CDC14B: variants seen among roughly 807,000 people sequenced by gnomAD.
The protein encoded by CDC14B is dual specificity protein phosphatase CDC14B.
CDC14B carries 22 observed loss-of-function variants against 64.2 expected under a neutral mutation model. That is an observed-to-expected ratio of 0.34 (90% confidence interval 0.24 to 0.49). The LOEUF is 0.49. Among genes scored for constraint, CDC14B ranks in the 20% least tolerant of loss-of-function variants. CDC14B has a pLI of 0.99. For missense variants in CDC14B, 498 were observed against 629.9 expected (o/e 0.79, Z 2.24); for synonymous variants, 191 against 215.8 (o/e 0.89, Z 1.01).
intron 1 of CDC14B, among the ~76,000 whole-genome samples, chr9:96,594,586 G>A (rs1044530021): frequency 1.3e-5 from 2 of 151,870 alleles, no homozygotes; most frequent in African/African-American, 4.8e-5. Context: ...GTGTGGTGAT[G>A]CATGCCTGTA....
Position 96,619,219 on chromosome 9 carries a change from C to A in CDC14B, c.160G>T (p.Asp54Tyr). The change falls in exon 1 of 14, where the codon GAT becomes TAT. Residue 54 changes from aspartate to tyrosine, a missense_variant and splice_region_variant. Asp to Tyr is a radical substitution (Grantham distance 160, BLOSUM62 -3). Coordinates refer to ENST00000375241, the MANE Select transcript of CDC14B (RefSeq NM_033331.4). ...TCCGCGCGCCCACTGGCCGGCTCAC[C>A]GGTGATGTCCAGGTACACGTCGTCC... ...PQDDVYLDIT[D>Y]RLCFAILYSR... 1 of 1,311,318 alleles carries A rather than the reference C, an allele frequency of 7.6e-7. No homozygotes were observed. Among genetic ancestry groups the A allele is most frequent in the Non-Finnish European group, 9.7e-7 (1 of 1,026,544 alleles). 81.2% of individuals were successfully genotyped at this position (1,311,318 alleles called of 1,614,324 possible).
chr9:96,535,970 GA>G (rs1839211283), intron 7 of CDC14B, among the ~76,000 whole-genome samples: 1 of 152,208 alleles, frequency 6.6e-6, no homozygotes, highest in African/African-American at 2.4e-5. Context: ...CAGATATTCT[GA>G]TTTTAAAGTG....
At chr9:96,576,062 G>A (rs1454883770) in intron 1 of CDC14B, among the ~76,000 whole-genome samples, 1 of 152,082 alleles carries the variant, frequency 6.6e-6, no homozygotes, top group Non-Finnish European at 1.5e-5. Context: ...GATCACCTGA[G>A]GTCAAGAGTT....
chr9:96,612,227 A>T (rs1339643520), intron 1 of CDC14B, among the ~76,000 whole-genome samples: 1 of 152,246 alleles, frequency 6.6e-6, no homozygotes, highest in Non-Finnish European at 1.5e-5. Context: ...CGCTCTCAGA[A>T]GCAGACAGAG....
At chr9:96,548,219 G>A (rs1314469977) in intron 5 of CDC14B, among the ~76,000 whole-genome samples, 1 of 151,876 alleles carries the variant, frequency 6.6e-6, no homozygotes, top group Non-Finnish European at 1.5e-5. Flanking sequence ...ACTCCCATCT[G>A]TCTGATGTCA....
rs771459101 is a variant in CDC14B, at chr9:96,534,111, A to T, written c.762T>A (p.Asn254Lys). 30 of 1,610,910 alleles carry T rather than the reference A, an allele frequency of 1.9e-5. No individual in the cohort carries two copies. The highest frequency in any genetic ancestry group is 2.5e-5 in the Non-Finnish European group (30 of 1,177,630). The change falls in exon 9 of 14, where the codon AAT (asparagine) becomes AAA (lysine). Residue 254 changes from asparagine to lysine, a missense_variant. Coordinates refer to ENST00000375241, the MANE Select transcript of CDC14B (RefSeq NM_033331.4). ...GACGAATAATGGTAGTAACATTGTGATTCTTAAAATATTGAATATAAGTCT... is the reference window on the plus strand; with the variant it reads ...GACGAATAATGGTAGTAACATTGTGTTTCTTAAAATATTGAATATAAGTCT... ...SPETYIQYFK[N>K]HNVTTIIRLN... is the part of the protein sequence containing the mutation.
intron 1 of CDC14B, among the ~76,000 whole-genome samples, chr9:96,579,599 A>G (rs1002780244): frequency 2.0e-4 from 30 of 150,614 alleles, no homozygotes; most frequent in African/African-American, 6.1e-4. Flanking sequence ...AAAAAAAAAA[A>G]GGGAGATACC....
rs758175937 is a variant in CDC14B, at chr9:96,526,322, C to T, written c.947-2597G>A. Reference sequence around the variant, plus strand: ...GGCGGAGCTTGCAGTGAGCTGAGATCGCGCCACTTTACTCCAGCCTGGGAG... The same window carrying T: ...GGCGGAGCTTGCAGTGAGCTGAGATTGCGCCACTTTACTCCAGCCTGGGAG... On this transcript the variant is annotated intron_variant, in intron 9 of 13. Transcript: ENST00000375241. Among the ~76,000 whole-genome samples the T allele has an allele frequency of 7.9e-5, 12 of 152,210 alleles. 1 individual carries two copies. In the South Asian group the frequency reaches 8.3e-4, roughly 11 times the overall value.
At chr9:96,512,140 C>T (rs966443631) in intron 12 of CDC14B, among the ~76,000 whole-genome samples, 1 of 151,102 alleles carries the variant, frequency 6.6e-6, no homozygotes, top group African/African-American at 2.4e-5. Flanking sequence ...ATCACTTGAG[C>T]CTGGGAGGTC....
At chr9:96,566,951 C>A in intron 1 of CDC14B, 2 of 1,486,270 alleles carry the variant, frequency 1.3e-6, no homozygotes, top group Non-Finnish European at 1.8e-6. Flanking sequence ...GCAGCGACAC[C>A]CCTCGGCGGC....
At chr9:96,557,561 C>T (rs1842650628) in intron 4 of CDC14B, among the ~76,000 whole-genome samples, 1 of 152,206 alleles carries the variant, frequency 6.6e-6, no homozygotes, top group Non-Finnish European at 1.5e-5. Flanking sequence ...AAAAGATCAT[C>T]ATTAAATAAC....
chr9:96,591,420 G>C (rs1242332628), intron 1 of CDC14B, among the ~76,000 whole-genome samples: 1 of 152,064 alleles, frequency 6.6e-6, no homozygotes, highest in African/African-American at 2.4e-5. Flanking sequence ...TTTCTGGGCT[G>C]TTTACTCTAT....
intron 1 of CDC14B, among the ~76,000 whole-genome samples, chr9:96,571,444 G>C (rs1844470500): frequency 6.6e-6 from 1 of 152,094 alleles, no homozygotes; most frequent in African/African-American, 2.4e-5. Flanking sequence ...AGAGTTTTGG[G>C]ATTACAGGGG....
chr9:96,494,858 G>A (rs1403836841), intron 13 of CDC14B, among the ~76,000 whole-genome samples: 2 of 140,136 alleles, frequency 1.4e-5, no homozygotes, highest in African/African-American at 2.7e-5. Context: ...CTTTTTTGTC[G>A]GAGTCTCGCT....
chr9:96,564,875 T>C, intron 2 of CDC14B, 23 bp from the exon 3 acceptor site: 2 of 1,497,492 alleles, frequency 1.3e-6, no homozygotes, highest in Non-Finnish European at 1.8e-6. Flanking sequence ...AAAATAAAAA[T>C]GTGATGTACA....
At chr9:96,616,714 ACT>A (rs1159801654) in intron 1 of CDC14B, among the ~76,000 whole-genome samples, 4 of 149,338 alleles carry the variant, frequency 2.7e-5, no homozygotes, top group East Asian at 2.0e-4. Context: ...ACAGAGCGAG[ACT>A]CTGTCTCAAA....
At chr9:96,545,274 G>A (rs1840633129) in intron 5 of CDC14B, among the ~76,000 whole-genome samples, 1 of 151,690 alleles carries the variant, frequency 6.6e-6, no homozygotes, top group East Asian at 1.9e-4. Context: ...AAACCCTCAA[G>A]TTGGATCCCA....
chr9:96,551,940 G>A, intron 4 of CDC14B, 68 bp from the exon 5 acceptor site: 1 of 1,536,838 alleles, frequency 6.5e-7, no homozygotes, highest in South Asian at 1.2e-5. Flanking sequence ...TCACTGCGAA[G>A]TAAATTTTGT....
rs1365880720 is a variant in CDC14B at position 96,619,793 on chromosome 9, G to T, written c.-415C>A. 2.6e-5 allele frequency: 4 copies of T among 151,858 alleles called. No individual in the cohort carries two copies. The highest frequency in any genetic ancestry group is 4.4e-5 in the Non-Finnish European group (3 of 67,872). The allele number at this position is 151,858 out of a possible 1,614,324, so 9.4% of individuals were successfully genotyped here. The stretch of plus-strand genomic sequence containing the variant: ...CTGCGTAGGCGCCGGGGCACAGCAG[G>T]ACGCGGCTCGTGGGGACCCCAGGAG... On this transcript the variant is annotated 5_prime_UTR_variant, in exon 1 of 14. Transcript: ENST00000375241.
Sources: allele counts gnomAD v4.1 joint callset (sites outside exome capture counted in the v4.1 genomes callset), GRCh38; gene constraint gnomAD v4.1.1; transcripts MANE v1.5; gene names NCBI Gene and HGNC (gene_info 2026-07-23, HGNC 2026-07-21).